Variants in SRPK2 observed in about 807,000 individuals in gnomAD.
The protein encoded by SRPK2 is SRSF protein kinase 2.
In SRPK2, 21 loss-of-function variants were observed where a neutral mutation model predicts 90.8. The ratio of observed to expected loss-of-function variants is 0.23; its 90% confidence interval spans 0.16 to 0.33. The LOEUF is 0.33. Ranked by LOEUF, SRPK2 falls within the 10% of genes least tolerant of loss-of-function variation. The pLI is 1.00. For missense variants in SRPK2, 620 were observed against 869.0 expected (o/e 0.71, Z 3.60); for synonymous variants, 288 against 311.1 (o/e 0.93, Z 0.78).
At chr7:105,331,728 G>A (rs1252634629) in intron 2 of SRPK2, among the ~76,000 whole-genome samples, 2 of 152,112 alleles carry the variant, frequency 1.3e-5, no homozygotes, top group Admixed American at 6.6e-5. Flanking sequence ...CACAAAAAGT[G>A]TACGGAAAGT....
At chr7:105,217,839 A>G (rs1016924223) in intron 2 of SRPK2, among the ~76,000 whole-genome samples, 21 of 152,242 alleles carry the variant, frequency 1.4e-4, no homozygotes, top group African/African-American at 5.1e-4. Context: ...ACGTAGCTTG[A>G]TAACATTACT....
intron 2 of SRPK2, among the ~76,000 whole-genome samples, chr7:105,327,067 CAAAAA>C (rs11350866): frequency 6.5e-5 from 8 of 123,312 alleles, no homozygotes; most frequent in African/African-American, 2.3e-4. Context: ...AACTCCGTAT[CAAAAA>C]AAAAAAAAAA....
At chr7:105,249,165 T>C (rs1039908872) in intron 2 of SRPK2, among the ~76,000 whole-genome samples, 4 of 152,164 alleles carry the variant, frequency 2.6e-5, no homozygotes, top group African/African-American at 9.7e-5. Context: ...CTTGTACATA[T>C]AAACAATGGA....
rs532164183 is a variant in SRPK2 at position 105,386,514 on chromosome 7, G to A, written c.71+2134C>T. ...GAATCACCTGAAGTCAGGAGTTGTA[G>A]ACCAGCCCGGCCAACATGGTGAAAC... On this transcript the variant is annotated intron_variant, in intron 2 of 15. Coordinates refer to ENST00000393651, the MANE Select transcript of SRPK2 (RefSeq NM_182692.3). Among the ~76,000 whole-genome samples, 21 of 152,100 alleles carry A rather than the reference G, an allele frequency of 1.4e-4. No individual in the cohort carries two copies. In the South Asian group the frequency reaches 4.4e-3, roughly 32 times the overall value.
chr7:105,360,965 G>C (rs868346701), intron 2 of SRPK2, among the ~76,000 whole-genome samples: 4 of 152,244 alleles, frequency 2.6e-5, no homozygotes, highest in African/African-American at 9.6e-5. Flanking sequence ...CACGTTGCTG[G>C]AAGTTCTGGC....
At chr7:105,371,784 C>T (rs78902395) in intron 2 of SRPK2, among the ~76,000 whole-genome samples, 4,054 of 152,126 alleles carry the variant, frequency 0.027, 186 homozygotes, top group African/African-American at 0.094. Flanking sequence ...TGTTCTCTCT[C>T]TCTACCATCT....
At chr7:105,162,464 C>T (rs896948462) in intron 6 of SRPK2, among the ~76,000 whole-genome samples, 1 of 152,108 alleles carries the variant, frequency 6.6e-6, no homozygotes, top group Non-Finnish European at 1.5e-5. Context: ...CCTTTGAGAA[C>T]ATTTTATTCA....
intron 2 of SRPK2, among the ~76,000 whole-genome samples, chr7:105,354,686 C>T (rs1404691609): frequency 6.6e-6 from 1 of 152,198 alleles, no homozygotes; most frequent in Non-Finnish European, 1.5e-5. Flanking sequence ...ACAGACATTG[C>T]TACTCCTAGC....
At chr7:105,363,043 G>A (rs976945521) in intron 2 of SRPK2, among the ~76,000 whole-genome samples, 13 of 152,014 alleles carry the variant, frequency 8.6e-5, no homozygotes, top group Non-Finnish European at 1.6e-4. Flanking sequence ...GTCGTGGGGT[G>A]GGGGGAGAGG....
chr7:105,209,252 G>T (rs1796570594), intron 2 of SRPK2, among the ~76,000 whole-genome samples: 2 of 152,096 alleles, frequency 1.3e-5, no homozygotes, highest in Admixed American at 1.3e-4. Flanking sequence ...GAAATATAAA[G>T]AAATATACCA....
intron 2 of SRPK2, among the ~76,000 whole-genome samples, chr7:105,350,619 G>A (rs937269784): frequency 1.4e-5 from 2 of 144,412 alleles, no homozygotes; most frequent in African/African-American, 2.6e-5. Context: ...CGCCTCCCCC[G>A]TTTCAAGTAA....
intron 2 of SRPK2, among the ~76,000 whole-genome samples, chr7:105,301,005 T>A (rs981600429): frequency 1.1e-4 from 16 of 152,120 alleles, no homozygotes; most frequent in African/African-American, 3.9e-4. Context: ...GACCCAGCAA[T>A]CCCATTACTG....
intron 7 of SRPK2, 69 bp from the exon 8 acceptor site, chr7:105,146,727 A>G (rs565701657): frequency 1.4e-5 from 20 of 1,473,612 alleles, no homozygotes; most frequent in South Asian, 7.3e-5. Flanking sequence ...TATTTATTTG[A>G]AAAACATGTA....
intron 3 of SRPK2, among the ~76,000 whole-genome samples, chr7:105,177,613 G>A (rs972831275): frequency 6.6e-6 from 1 of 152,130 alleles, no homozygotes; most frequent in Non-Finnish European, 1.5e-5. Context: ...CTCTGAAGGA[G>A]GATGCTCATC....
intron 2 of SRPK2, among the ~76,000 whole-genome samples, chr7:105,359,205 C>G (rs1818152426): frequency 7.8e-6 from 1 of 128,754 alleles, no homozygotes; most frequent in Admixed American, 9.9e-5. Context: ...ATCACCCAGG[C>G]TGGAGTGCAA....
intron 2 of SRPK2, among the ~76,000 whole-genome samples, chr7:105,212,327 G>C (rs1796959231): frequency 6.6e-6 from 1 of 152,174 alleles, no homozygotes; most frequent in Non-Finnish European, 1.5e-5. Flanking sequence ...TAGTGAGGAG[G>C]GGAAAGTGCA....
intron 2 of SRPK2, among the ~76,000 whole-genome samples, chr7:105,300,860 G>T (rs926085538): frequency 1.3e-5 from 2 of 152,126 alleles, no homozygotes; most frequent in African/African-American, 4.8e-5. Context: ...AAAATATCAA[G>T]AAACAACAGG....
chr7:105,118,065 C>T lies in SRPK2; in HGVS notation c.1916-43G>A, dbSNP rs769119526. 3.1e-6 allele frequency: 5 copies of T among 1,601,166 alleles called. No homozygotes were observed. The Admixed American group carries it at 8.5e-5, about 27-fold the overall frequency. On this transcript the variant is annotated intron_variant, in intron 15 of 15. Transcript: ENST00000393651. Reference sequence around the variant, plus strand: ...GGCCAATGTCAAGAAAGCTCCAAATCTGCATTCCCCATTGTTGGTCCAGTC... The same window carrying T: ...GGCCAATGTCAAGAAAGCTCCAAATTTGCATTCCCCATTGTTGGTCCAGTC...
intron 2 of SRPK2, among the ~76,000 whole-genome samples, chr7:105,372,581 C>T (rs1423504050): frequency 1.3e-5 from 2 of 152,162 alleles, no homozygotes; most frequent in African/African-American, 4.8e-5. Flanking sequence ...TCTCTGAGCA[C>T]TAACTATTCA....
Sources: allele counts gnomAD v4.1 joint callset (sites outside exome capture counted in the v4.1 genomes callset), GRCh38; gene constraint gnomAD v4.1.1; transcripts MANE v1.5; gene names NCBI Gene and HGNC (gene_info 2026-07-23, HGNC 2026-07-21).